Variants in EFR3A observed in about 807,000 individuals in gnomAD.
The protein encoded by EFR3A is EFR3 homolog A, also known as protein EFR3 homolog A.
Under a neutral mutation model 104.4 loss-of-function variants are expected in EFR3A, and 76 were observed. That is an observed-to-expected ratio of 0.73 (90% CI 0.60 to 0.88). The LOEUF is 0.88. EFR3A is among the 40% of genes least tolerant of loss of function. The pLI is 0.00. For missense variants in EFR3A, 985 were observed against 1,012.5 expected, an observed-to-expected ratio of 0.97 and a Z score of 0.37; for synonymous variants, 330 against 330.0, an observed-to-expected ratio of 1.00 and a Z score of 0.00.
rs1225486384 is a variant in EFR3A at position 132,011,518 on chromosome 8, T to G, written c.*623T>G. 1.3e-6 allele frequency: 1 copy of G among 760,864 alleles called. No individual in the cohort carries two copies. The highest frequency in any genetic ancestry group is 1.6e-6 in the Non-Finnish European group (1 of 624,828). 47.1% of individuals were successfully genotyped at this position (760,864 alleles called of 1,614,324 possible). ...GAATATAACCCTAAAAACGCCATAC[T>G]TTAAATTGTCTGGTTCTTGTAATAT... is the stretch of plus-strand genomic sequence containing the variant. On this transcript the variant is annotated 3_prime_UTR_variant, in exon 23 of 23. Coordinates refer to ENST00000254624, the MANE Select transcript of EFR3A (RefSeq NM_015137.6).
chr8:131,911,999 AG>A (rs1245838714), intron 1 of EFR3A, among the ~76,000 whole-genome samples: 6 of 152,206 alleles, frequency 3.9e-5, no homozygotes, highest in African/African-American at 9.7e-5. Flanking sequence ...TTGGGGAAAA[AG>A]GGTTCTGGTT....
At chr8:131,984,837 C>G in intron 15 of EFR3A, 92 bp from the exon 16 acceptor site, 1 of 1,207,028 alleles carries the variant, frequency 8.3e-7, no homozygotes, top group Non-Finnish European at 1.1e-6. Flanking sequence ...TGTTAGCTTT[C>G]CAAACTACCT....
At position 131,940,546 on chromosome 8, in the gene EFR3A, G is replaced by A; in HGVS notation, c.58G>A (p.Val20Met). The A allele has an allele frequency of 6.2e-7, 1 of 1,608,856 alleles. No homozygotes were observed. The highest frequency in any genetic ancestry group is 8.5e-7 in the Non-Finnish European group (1 of 1,177,806). ...TTTGCGTCCTCGCTACAAACGCCTG[G>A]TGGACAACATATTCCCTGAAGATCC... ...SALRPRYKRLVDNIFPEDPKD... is the reference protein window; with the variant it reads ...SALRPRYKRLMDNIFPEDPKD... The change falls in exon 2 of 23, where the codon GTG (valine) becomes ATG (methionine). Residue 20 changes from valine (V) to methionine (M), a missense_variant. Coordinates refer to ENST00000254624, the MANE Select transcript of EFR3A (RefSeq NM_015137.6).
chr8:131,942,626 G>T (rs886450888), intron 2 of EFR3A, among the ~76,000 whole-genome samples: 1 of 152,072 alleles, frequency 6.6e-6, no homozygotes, highest in Admixed American at 6.6e-5. Context: ...CACATAGTTG[G>T]CACTCATTAT....
At chr8:131,948,597 G>A (rs938777111) in intron 4 of EFR3A, among the ~76,000 whole-genome samples, 6 of 152,070 alleles carry the variant, frequency 3.9e-5, no homozygotes, top group South Asian at 2.1e-4. Flanking sequence ...GGTGAGGAAT[G>A]TTTTGGGAAA....
intron 2 of EFR3A, among the ~76,000 whole-genome samples, chr8:131,941,736 A>G (rs141412923): frequency 6.6e-6 from 1 of 152,120 alleles, no homozygotes; most frequent in Non-Finnish European, 1.5e-5. Context: ...TCCGGGAAGC[A>G]TTCACAGAGG....
chr8:131,961,993 A>G (rs1235593984), intron 8 of EFR3A, among the ~76,000 whole-genome samples: 2 of 152,216 alleles, frequency 1.3e-5, no homozygotes, highest in Admixed American at 1.3e-4. Context: ...AAAATACTCT[A>G]CAGACAAGCA....
intron 1 of EFR3A, among the ~76,000 whole-genome samples, chr8:131,908,100 G>T (rs756810325): frequency 2.0e-5 from 3 of 151,064 alleles, no homozygotes; most frequent in Non-Finnish European, 2.9e-5. Context: ...TCGCTCTGTC[G>T]CCCAGGCTGG....
At chr8:131,935,533 G>A (rs990037182) in intron 1 of EFR3A, 3 of 445,718 alleles carry the variant, frequency 6.7e-6, no homozygotes, top group South Asian at 1.6e-5. Context: ...CCATACATAT[G>A]TCAGTCAATT....
intron 18 of EFR3A, among the ~76,000 whole-genome samples, chr8:131,994,442 C>T (rs1046253841): frequency 1.3e-5 from 2 of 152,028 alleles, no homozygotes; most frequent in African/African-American, 2.4e-5. Flanking sequence ...ATGAGCAGGC[C>T]CTTCCATTTA....
chr8:131,987,702 G>A lies in EFR3A; in HGVS notation c.2065G>A (p.Asp689Asn), dbSNP rs765862555. The A allele has an allele frequency of 1.3e-6, 2 of 1,583,394 alleles. No individual in the cohort carries two copies. The highest frequency in any genetic ancestry group is 2.3e-5 in the South Asian group (2 of 85,796). ...LSVPYVPQVT[D>N]EDRLSRRKSI... is the part of the protein sequence containing the mutation. ...AGTTCCGTATGTACCACAAGTAACAGGTAAGAGGAGGATAATTAGAACTTT... is the reference window on the plus strand; with the variant it reads ...AGTTCCGTATGTACCACAAGTAACAAGTAAGAGGAGGATAATTAGAACTTT... Residue 689 changes from aspartate (D) to asparagine (N), a missense_variant and splice_region_variant, in exon 18 of 23, where the codon GAT (aspartate) becomes AAT (asparagine). By Grantham distance (23) the Asp-to-Asn change is conservative. Coordinates refer to ENST00000254624, the MANE Select transcript of EFR3A (RefSeq NM_015137.6).
At chr8:131,987,260 C>CA (rs1820931744) in intron 17 of EFR3A, among the ~76,000 whole-genome samples, 1 of 151,776 alleles carries the variant, frequency 6.6e-6, no homozygotes, top group Non-Finnish European at 1.5e-5. Context: ...ATTAACATGA[C>CA]AATAAAAGCT....
intron 10 of EFR3A, among the ~76,000 whole-genome samples, chr8:131,970,854 G>T (rs1439229862): frequency 6.6e-6 from 1 of 152,154 alleles, no homozygotes; most frequent in Non-Finnish European, 1.5e-5. Flanking sequence ...TTCATCTATT[G>T]TTGACATTTT....
At chr8:131,913,339 A>G (rs981215500) in intron 1 of EFR3A, among the ~76,000 whole-genome samples, 2 of 150,988 alleles carry the variant, frequency 1.3e-5, no homozygotes, top group Non-Finnish European at 3.0e-5. Flanking sequence ...AGGAACTACT[A>G]TTTTTCTTCT....
chr8:131,933,402 C>T (rs939940452), intron 1 of EFR3A, among the ~76,000 whole-genome samples: 7 of 152,106 alleles, frequency 4.6e-5, no homozygotes, highest in African/African-American at 1.4e-4. Flanking sequence ...TTTGGTTTCT[C>T]TTTCATCCGT....
At chr8:131,980,955 A>G (rs1820577276) in intron 14 of EFR3A, among the ~76,000 whole-genome samples, 1 of 151,846 alleles carries the variant, frequency 6.6e-6, no homozygotes, top group South Asian at 2.1e-4. Flanking sequence ...AATGTCCTCC[A>G]GGTTCATCCA....
At chr8:131,915,515 G>A (rs1816704656) in intron 1 of EFR3A, among the ~76,000 whole-genome samples, 1 of 152,170 alleles carries the variant, frequency 6.6e-6, no homozygotes, top group South Asian at 2.1e-4. Context: ...GCAGTCCCTA[G>A]CTTCAAAAAG....
At chr8:131,965,910 A>G (rs1819692505) in intron 8 of EFR3A, among the ~76,000 whole-genome samples, 1 of 152,132 alleles carries the variant, frequency 6.6e-6, no homozygotes, top group Admixed American at 6.5e-5. Flanking sequence ...TGTCCTTTGT[A>G]GGGACATGGA....
intron 5 of EFR3A, among the ~76,000 whole-genome samples, chr8:131,950,767 A>G (rs1418077990): frequency 2.6e-5 from 4 of 152,170 alleles, no homozygotes; most frequent in African/African-American, 7.2e-5. Context: ...AATTGAATGA[A>G]TGTATATTAC....
Sources: gnomAD v4.1 joint callset for allele counts (sites outside exome capture counted in the v4.1 genomes callset) on GRCh38, gnomAD v4.1.1 for gene constraint, MANE v1.5 for transcripts, NCBI Gene and HGNC (gene_info 2026-07-23, HGNC 2026-07-21) for gene names.